EXOC6B: variants seen among roughly 807,000 people sequenced by gnomAD.
The protein encoded by EXOC6B is exocyst complex component 6B.
A neutral mutation model predicts 113.5 loss-of-function variants in EXOC6B; 54 were observed. That is an observed-to-expected ratio of 0.48 (90% CI 0.38 to 0.60). The LOEUF (loss-of-function observed/expected upper bound fraction) is 0.60, where lower values mean the gene tolerates loss of function less well. Ranked by LOEUF, EXOC6B falls within the 20% of genes least tolerant of loss-of-function variation. The pLI is 0.00. For synonymous variants in EXOC6B, 357 were observed against 339.0 expected, an observed-to-expected ratio of 1.05 and a Z score of -0.58; for missense variants, 797 against 977.5, an observed-to-expected ratio of 0.82 and a Z score of 2.46.
chr2:72,459,871 G>C (rs1478091305), intron 18 of EXOC6B, among the ~76,000 whole-genome samples: 2 of 152,024 alleles, frequency 1.3e-5, no homozygotes, highest in African/African-American at 4.8e-5. Context: ...AGTTCATATG[G>C]AACCAAAAAA....
At chr2:72,637,852 T>C (rs1453253764) in intron 6 of EXOC6B, among the ~76,000 whole-genome samples, 2 of 149,468 alleles carry the variant, frequency 1.3e-5, no homozygotes, top group Non-Finnish European at 3.0e-5. Context: ...ACCTCTGGGA[T>C]ACAGCGAAAG....
intron 2 of EXOC6B, among the ~76,000 whole-genome samples, chr2:72,736,844 T>C (rs1023241825): frequency 1.3e-5 from 2 of 152,012 alleles, no homozygotes; most frequent in Admixed American, 1.3e-4. Context: ...CTAAGAAGCA[T>C]AGAAAAGAAC....
chr2:72,603,076 T>G (rs1268345364), intron 6 of EXOC6B, among the ~76,000 whole-genome samples: 4 of 8,230 alleles, frequency 4.9e-4, no homozygotes, highest in Admixed American at 4.6e-3. Flanking sequence ...ACAGATGGTT[T>G]TTTTTTTTTT....
At chr2:72,401,437 G>A (rs1693150518) in intron 18 of EXOC6B, among the ~76,000 whole-genome samples, 1 of 140,180 alleles carries the variant, frequency 7.1e-6, no homozygotes, top group Non-Finnish European at 1.5e-5. Context: ...ACTCCAGCCT[G>A]GGCAACTGGA....
rs555276595 is a variant in EXOC6B, at chr2:72,568,949, A to G, written c.846+6543T>C. On this transcript the variant is annotated intron_variant, in intron 7 of 21. Coordinates refer to ENST00000272427, the MANE Select transcript of EXOC6B (RefSeq NM_015189.3). ...GATTTCAAAATAACAGGGCACTTAC[A>G]CTATCACCACAAAAAAAAAAAAAAG... Among the ~76,000 whole-genome samples the G allele has an allele frequency of 5.3e-5, 8 of 151,500 alleles. No individual in the cohort carries two copies. The East Asian group carries it at 1.5e-3, about 29-fold the overall frequency.
chr2:72,662,393 T>C (rs940684150), intron 6 of EXOC6B, among the ~76,000 whole-genome samples: 1 of 152,188 alleles, frequency 6.6e-6, no homozygotes. Context: ...TGGAAAAAGA[T>C]ATCTGCAAAT....
chr2:72,253,633 G>A (rs1573097297), intron 20 of EXOC6B, among the ~76,000 whole-genome samples: 1 of 152,082 alleles, frequency 6.6e-6, no homozygotes, highest in Non-Finnish European at 1.5e-5. Context: ...TTTTATAAGT[G>A]GGAGCTAAAT....
intron 18 of EXOC6B, among the ~76,000 whole-genome samples, chr2:72,408,479 C>T (rs1450516791): frequency 2.0e-5 from 3 of 152,290 alleles, no homozygotes; most frequent in African/African-American, 4.8e-5. Flanking sequence ...TACAAGGCTA[C>T]AGTAACCAAA....
chr2:72,282,736 C>A (rs1359566872), intron 20 of EXOC6B, among the ~76,000 whole-genome samples: 1 of 152,024 alleles, frequency 6.6e-6, no homozygotes, highest in East Asian at 1.9e-4. Flanking sequence ...ACATATCATG[C>A]AAATGCTAGC....
intron 20 of EXOC6B, among the ~76,000 whole-genome samples, chr2:72,265,359 C>T (rs1035675845): frequency 6.7e-6 from 1 of 149,926 alleles, no homozygotes; most frequent in Admixed American, 6.6e-5. Flanking sequence ...CCCATTAACT[C>T]GTCATTTAGC....
At chr2:72,237,802 TG>T (rs894227642) in intron 20 of EXOC6B, among the ~76,000 whole-genome samples, 4 of 151,992 alleles carry the variant, frequency 2.6e-5, no homozygotes, top group African/African-American at 9.7e-5. Context: ...ACTTGAAGTG[TG>T]GATGGAGAAG....
At chr2:72,348,788 G>A (rs761252871) in intron 19 of EXOC6B, among the ~76,000 whole-genome samples, 30 of 152,102 alleles carry the variant, frequency 2.0e-4, no homozygotes, top group African/African-American at 3.9e-4. Flanking sequence ...TAGGACTAAT[G>A]TTCAGGACTC....
chr2:72,560,869 GT>G (rs1703851012), intron 7 of EXOC6B, among the ~76,000 whole-genome samples: 1 of 151,440 alleles, frequency 6.6e-6, no homozygotes, highest in Non-Finnish European at 1.5e-5. Context: ...TTAAGAAGAG[GT>G]AATGAGCATT....
intron 17 of EXOC6B, among the ~76,000 whole-genome samples, chr2:72,479,393 C>G (rs1243105966): frequency 6.6e-6 from 1 of 152,048 alleles, no homozygotes; most frequent in Non-Finnish European, 1.5e-5. Flanking sequence ...TTCATTTCTT[C>G]TCTTGCGCCT....
chr2:72,685,628 C>T (rs893872554), intron 6 of EXOC6B, among the ~76,000 whole-genome samples: 5 of 152,198 alleles, frequency 3.3e-5, no homozygotes, highest in African/African-American at 1.2e-4. Flanking sequence ...CACTAACATT[C>T]TTAGGCAGCT....
At chr2:72,440,804 C>T (rs561952891) in intron 18 of EXOC6B, among the ~76,000 whole-genome samples, 1 of 152,018 alleles carries the variant, frequency 6.6e-6, no homozygotes, top group African/African-American at 2.4e-5. Flanking sequence ...TGCAGTGTCA[C>T]ACATAGGCTC....
At chr2:72,434,252 C>T (rs1029477842) in intron 18 of EXOC6B, among the ~76,000 whole-genome samples, 1 of 152,048 alleles carries the variant, frequency 6.6e-6, no homozygotes, top group Non-Finnish European at 1.5e-5. Context: ...CAGGGATGAA[C>T]CCAACTTGAT....
intron 6 of EXOC6B, among the ~76,000 whole-genome samples, chr2:72,661,439 T>G (rs184008127): frequency 6.8e-6 from 1 of 146,626 alleles, no homozygotes; most frequent in African/African-American, 2.5e-5. Flanking sequence ...AGGGTCAATA[T>G]CAATATCATA....
At chr2:72,219,633 A>G (rs1355057753) in intron 20 of EXOC6B, among the ~76,000 whole-genome samples, 4 of 152,014 alleles carry the variant, frequency 2.6e-5, no homozygotes, top group Non-Finnish European at 5.9e-5. Context: ...AAGAGGAAGG[A>G]ATTAGTGTTG....
Sources: gnomAD v4.1 joint callset for allele counts (sites outside exome capture counted in the v4.1 genomes callset) on GRCh38, gnomAD v4.1.1 for gene constraint, MANE v1.5 for transcripts, NCBI Gene and HGNC (gene_info 2026-07-23, HGNC 2026-07-21) for gene names.